CDK14: variants seen among roughly 807,000 people sequenced by gnomAD.
The protein encoded by CDK14 is cyclin dependent kinase 14, also known as cyclin-dependent kinase 14.
A neutral mutation model predicts 60.7 loss-of-function variants in CDK14; 34 were observed. The ratio of observed to expected loss-of-function variants is 0.56; its 90% CI spans 0.43 to 0.75. The LOEUF is 0.75. Among genes scored for constraint, CDK14 ranks in the 30% least tolerant of loss-of-function variants. CDK14 has a pLI of 0.00. For synonymous variants in CDK14, 197 were observed against 203.7 expected (o/e 0.97, Z 0.28); for missense variants, 482 against 564.1 (o/e 0.85, Z 1.47).
chr7:91,041,680 A>G (rs1461325446), intron 10 of CDK14, among the ~76,000 whole-genome samples: 4 of 152,194 alleles, frequency 2.6e-5, no homozygotes, highest in African/African-American at 9.7e-5. Flanking sequence ...TGCCGATGTC[A>G]ACTCCCTTGA....
At chr7:90,761,509 T>G (rs1382694655) in intron 4 of CDK14, among the ~76,000 whole-genome samples, 1 of 152,184 alleles carries the variant, frequency 6.6e-6, no homozygotes, top group Non-Finnish European at 1.5e-5. Context: ...TTATTGTTAC[T>G]GTCATCCTTT....
intron 11 of CDK14, among the ~76,000 whole-genome samples, chr7:91,073,091 A>G (rs1248581304): frequency 6.6e-6 from 1 of 152,240 alleles, no homozygotes; most frequent in African/African-American, 2.4e-5. Context: ...GTTGGAAAAC[A>G]CATTTCAGGA....
At chr7:91,002,436 T>C (rs1363321139) in intron 10 of CDK14, among the ~76,000 whole-genome samples, 1 of 152,230 alleles carries the variant, frequency 6.6e-6, no homozygotes, top group African/African-American at 2.4e-5. Context: ...TGTCTTCTGA[T>C]TTTTCTTAGC....
intron 10 of CDK14, among the ~76,000 whole-genome samples, chr7:91,003,768 C>T (rs1308474535): frequency 2.6e-5 from 4 of 152,128 alleles, no homozygotes; most frequent in Non-Finnish European, 4.4e-5. Flanking sequence ...GAAATGTAAC[C>T]TCTAGCTGGG....
intron 5 of CDK14, among the ~76,000 whole-genome samples, chr7:90,794,436 T>C (rs543392109): frequency 8.5e-5 from 13 of 152,186 alleles, no homozygotes; most frequent in Non-Finnish European, 1.9e-4. Context: ...ATCCCTTGTC[T>C]ACAACTGTAA....
intron 4 of CDK14, among the ~76,000 whole-genome samples, chr7:90,775,795 C>G (rs1805020921): frequency 6.7e-6 from 1 of 149,710 alleles, no homozygotes; most frequent in South Asian, 2.2e-4. Context: ...TACCTGGCTT[C>G]CTCCTTCCCC....
intron 8 of CDK14, among the ~76,000 whole-genome samples, chr7:90,947,851 A>G (rs1205509466): frequency 1.3e-5 from 2 of 152,176 alleles, no homozygotes; most frequent in Non-Finnish European, 2.9e-5. Flanking sequence ...TTAAATATGT[A>G]TGTATAATAA....
At chr7:91,057,268 T>G (rs1797602888) in intron 11 of CDK14, among the ~76,000 whole-genome samples, 1 of 152,194 alleles carries the variant, frequency 6.6e-6, no homozygotes, top group South Asian at 2.1e-4. Context: ...TTTTTTCTTG[T>G]AAATTTGTTT....
At chr7:90,673,235 G>A (rs575071682) in intron 2 of CDK14, among the ~76,000 whole-genome samples, 2 of 152,324 alleles carry the variant, frequency 1.3e-5, no homozygotes, top group African/African-American at 4.8e-5. Flanking sequence ...TTAAGGGTCA[G>A]GGAGGAGCAG....
chr7:91,102,887 C>A (rs986032316), intron 12 of CDK14, among the ~76,000 whole-genome samples: 2 of 152,116 alleles, frequency 1.3e-5, no homozygotes, highest in African/African-American at 4.8e-5. Flanking sequence ...ATAGATATAA[C>A]CATTGATATA....
In CDK14 at chr7:90,916,555, A is replaced by G. The variant is rs542530212; in HGVS notation, c.703-1046A>G. Among the ~76,000 whole-genome samples the G allele has an allele frequency of 7.2e-5, 11 of 152,310 alleles. No homozygotes were observed. The East Asian group carries it at 1.5e-3, about 21-fold the overall frequency. ...GTCCAGGGCCCTCAGGAAGTTGCCA[A>G]TCTTTTCGATTCAAGTTTCAGAATC... On this transcript the variant is annotated intron_variant, in intron 7 of 14. Coordinates refer to ENST00000380050, the MANE Select transcript of CDK14 (RefSeq NM_001287135.2).
At chr7:91,076,882 C>G (rs567959551) in intron 11 of CDK14, among the ~76,000 whole-genome samples, 1 of 152,096 alleles carries the variant, frequency 6.6e-6, no homozygotes, top group African/African-American at 2.4e-5. Context: ...ATACAGCCAA[C>G]AAACATATGA....
At chr7:91,115,595 A>G (rs1486307119) in intron 13 of CDK14, among the ~76,000 whole-genome samples, 1 of 152,174 alleles carries the variant, frequency 6.6e-6, no homozygotes, top group East Asian at 1.9e-4. Flanking sequence ...AATTTCCACA[A>G]GAGGAAAACA....
At chr7:90,987,469 C>T (rs1795404619) in intron 10 of CDK14, among the ~76,000 whole-genome samples, 1 of 152,022 alleles carries the variant, frequency 6.6e-6, no homozygotes, top group African/African-American at 2.4e-5. Flanking sequence ...AGATCATCAT[C>T]TATATAAAAT....
intron 5 of CDK14, among the ~76,000 whole-genome samples, chr7:90,800,051 T>C (rs1788579327): frequency 6.6e-6 from 1 of 152,202 alleles, no homozygotes; most frequent in Non-Finnish European, 1.5e-5. Context: ...GGACCTCTCA[T>C]GGTAAACTCT....
rs976789532 is a variant in CDK14, at chr7:90,971,044, G to A, written c.948-13104G>A. Among the ~76,000 whole-genome samples, 4 of 151,862 alleles carry A rather than the reference G, an allele frequency of 2.6e-5. No homozygotes were observed. The East Asian group carries it at 5.8e-4, about 22-fold the overall frequency. Reference sequence around the variant, plus strand: ...TCATCAACTCGTCATTTAGCATTAGGTGTATCTCCTAATGCCATCCCTCCC... The same window carrying A: ...TCATCAACTCGTCATTTAGCATTAGATGTATCTCCTAATGCCATCCCTCCC... On this transcript the variant is annotated intron_variant, in intron 9 of 14. Coordinates refer to ENST00000380050, the MANE Select transcript of CDK14 (RefSeq NM_001287135.2).
intron 9 of CDK14, among the ~76,000 whole-genome samples, chr7:90,968,427 C>T (rs1287769991): frequency 6.6e-6 from 1 of 152,186 alleles, no homozygotes. Flanking sequence ...TTACTAATGA[C>T]AGAATCCGAG....
intron 2 of CDK14, among the ~76,000 whole-genome samples, chr7:90,695,952 ATAAT>A (rs1364240301): frequency 6.6e-6 from 1 of 152,174 alleles, no homozygotes; most frequent in Non-Finnish European, 1.5e-5. Flanking sequence ...CAGGATGGTG[ATAAT>A]TAAAAAAACC....
At chr7:90,848,556 G>T (rs1790544679) in intron 5 of CDK14, among the ~76,000 whole-genome samples, 2 of 152,054 alleles carry the variant, frequency 1.3e-5, no homozygotes, top group African/African-American at 4.8e-5. Flanking sequence ...TTTTCCTGGG[G>T]GGTAAATATC....
Sources: allele counts gnomAD v4.1 joint callset (sites outside exome capture counted in the v4.1 genomes callset), GRCh38; gene constraint gnomAD v4.1.1; transcripts MANE v1.5; gene names NCBI Gene and HGNC (gene_info 2026-07-23, HGNC 2026-07-21).